NR2C1: variants seen among roughly 807,000 people sequenced by gnomAD.
NR2C1 encodes the protein TR2 nuclear hormone receptor.
A neutral mutation model predicts 74.8 loss-of-function variants in NR2C1; 33 were observed. That is an observed-to-expected ratio of 0.44 (90% CI 0.33 to 0.59). NR2C1 has a LOEUF of 0.59. NR2C1 is among the 20% of genes least tolerant of loss of function. The pLI is 0.02. For missense variants in NR2C1, 568 were observed against 715.6 expected, an observed-to-expected ratio of 0.79 and a Z score of 2.35; for synonymous variants, 225 against 240.6, an observed-to-expected ratio of 0.94 and a Z score of 0.60.
chr12:95,049,291 T>G, intron 8 of NR2C1, 58 bp from the exon 9 acceptor site: 1 of 1,522,456 alleles, frequency 6.6e-7, no homozygotes, highest in East Asian at 2.3e-5. Context: ...AAATAACAAT[T>G]CTACATAGGA....
intron 9 of NR2C1, 49 bp downstream of exon 9, chr12:95,049,019 C>G: frequency 6.6e-7 from 1 of 1,506,248 alleles, no homozygotes; most frequent in Non-Finnish European, 9.2e-7. Flanking sequence ...AAAGGTAGAT[C>G]AAAATCAAGC....
intron 7 of NR2C1, among the ~76,000 whole-genome samples, chr12:95,055,544 A>G (rs1458179890): frequency 6.6e-6 from 1 of 152,248 alleles, no homozygotes; most frequent in Non-Finnish European, 1.5e-5. Flanking sequence ...ATAGCTAGTA[A>G]GTGGTAGATG....
At chr12:95,032,436 T>TGCTGGA (rs1870248478) in intron 10 of NR2C1, among the ~76,000 whole-genome samples, 1 of 143,968 alleles carries the variant, frequency 6.9e-6, no homozygotes, top group Non-Finnish European at 1.5e-5. Context: ...CCAGCCTGGG[T>TGCTGGA]GACACAGCGA....
chr12:95,022,535 C>A, intron 13 of NR2C1, 132 bp from the exon 14 acceptor site: 1 of 761,348 alleles, frequency 1.3e-6, no homozygotes. Flanking sequence ...AAAATCAAAA[C>A]TTTAGTATTC....
At chr12:95,057,261 C>T (rs1257550612) in intron 7 of NR2C1, among the ~76,000 whole-genome samples, 5 of 151,632 alleles carry the variant, frequency 3.3e-5, no homozygotes, top group East Asian at 2.0e-4. Context: ...TGCGCCACCA[C>T]GCCCAGTTAA....
chr12:95,054,315 AAGAGACAGTGTTTTTT>A (rs1402750373), intron 7 of NR2C1, among the ~76,000 whole-genome samples: 2 of 141,268 alleles, frequency 1.4e-5, no homozygotes, highest in Non-Finnish European at 3.0e-5. Flanking sequence ...TTTTTTTTTT[AAGAGACAGTGTTTTTT>A]AGAGACACTC....
intron 10 of NR2C1, among the ~76,000 whole-genome samples, chr12:95,040,137 A>G (rs1369066697): frequency 6.6e-6 from 1 of 151,010 alleles, no homozygotes; most frequent in Non-Finnish European, 1.5e-5. Flanking sequence ...GTGATGAGAG[A>G]GAAACAAGAA....
In NR2C1 at chr12:95,042,368, C is replaced by A. The variant is rs371363013; in HGVS notation, c.1132-1771G>T. Among the ~76,000 whole-genome samples the A allele has an allele frequency of 1.4e-4, 21 of 152,014 alleles. No individual in the cohort carries two copies. The East Asian group carries it at 1.6e-3, about 11-fold the overall frequency. On this transcript the variant is annotated intron_variant, in intron 9 of 13. Coordinates refer to ENST00000333003, the MANE Select transcript of NR2C1 (RefSeq NM_003297.4). Reference sequence around the variant, plus strand: ...GGGACTACAGGCGTGTGCCACCAGGCCCCGCTAATTTTTTTTGTATTTTTA... The same window carrying A: ...GGGACTACAGGCGTGTGCCACCAGGACCCGCTAATTTTTTTTGTATTTTTA...
intron 2 of NR2C1, 43 bp downstream of exon 2, chr12:95,067,288 A>G: frequency 1.3e-6 from 2 of 1,536,722 alleles, no homozygotes; most frequent in South Asian, 1.1e-5. Flanking sequence ...TAGGAATTAG[A>G]AAAGTTTGGT....
intron 9 of NR2C1, among the ~76,000 whole-genome samples, chr12:95,044,183 C>A (rs1024947983): frequency 6.6e-6 from 1 of 151,990 alleles, no homozygotes; most frequent in African/African-American, 2.4e-5. Context: ...TAAACCTGAC[C>A]AATCTGTTTT....
At chr12:95,056,717 G>C (rs889692584) in intron 7 of NR2C1, among the ~76,000 whole-genome samples, 13 of 152,306 alleles carry the variant, frequency 8.5e-5, no homozygotes, top group African/African-American at 3.1e-4. Flanking sequence ...CCAGCACTTT[G>C]GGAGGCCAAG....
chr12:95,038,675 T>C (rs1176746976), intron 10 of NR2C1, among the ~76,000 whole-genome samples: 1 of 152,216 alleles, frequency 6.6e-6, no homozygotes, highest in African/African-American at 2.4e-5. Context: ...TAAGAATTGC[T>C]TGAAACTGAG....
chr12:95,040,244 T>C (rs1176453270), intron 10 of NR2C1, among the ~76,000 whole-genome samples: 1 of 152,180 alleles, frequency 6.6e-6, no homozygotes, highest in Non-Finnish European at 1.5e-5. Context: ...ACTGATCATA[T>C]TCCATCCAAA....
At position 95,025,221 on chromosome 12, in the gene NR2C1, CTCTA is replaced by C; in HGVS notation, c.1562_1565del (p.Ile521ArgfsTer15). On this transcript the variant is annotated frameshift_variant, in exon 13 of 14. Transcript: ENST00000333003. LOFTEE classifies it high-confidence loss of function. ...CCACATAAGCCTTTTCCTGAAATTT[CTCTA>C]TCTGTTCCATGTTTTCTAGGCTTGG... The C allele has an allele frequency of 6.2e-7, 1 of 1,606,548 alleles. No homozygotes were observed. Among genetic ancestry groups the C allele is most frequent in the Non-Finnish European group, 8.5e-7 (1 of 1,174,742 alleles).
intron 7 of NR2C1, among the ~76,000 whole-genome samples, chr12:95,056,331 T>C (rs555203342): frequency 1.3e-5 from 2 of 152,216 alleles, no homozygotes; most frequent in East Asian, 1.9e-4. Context: ...TTTTCAGATA[T>C]GAGTTTTCAG....
chr12:95,062,097 A>T (rs1874867894), intron 3 of NR2C1, among the ~76,000 whole-genome samples: 1 of 152,202 alleles, frequency 6.6e-6, no homozygotes, highest in Non-Finnish European at 1.5e-5. Context: ...CAGCTACAAA[A>T]GCTGCTCCTG....
At chr12:95,046,792 A>G (rs1275693981) in intron 9 of NR2C1, among the ~76,000 whole-genome samples, 1 of 152,130 alleles carries the variant, frequency 6.6e-6, no homozygotes, top group South Asian at 2.1e-4. Flanking sequence ...GAAAACTTCA[A>G]TGTGAGAACC....
intron 7 of NR2C1, among the ~76,000 whole-genome samples, chr12:95,052,557 C>T (rs1412156195): frequency 5.3e-5 from 8 of 152,140 alleles, no homozygotes; most frequent in Non-Finnish European, 1.5e-5. Context: ...TCTGGGCTCA[C>T]TGATCCTCCT....
At chr12:95,065,491 G>T (rs1183778764) in intron 2 of NR2C1, among the ~76,000 whole-genome samples, 1 of 151,656 alleles carries the variant, frequency 6.6e-6, no homozygotes, top group Non-Finnish European at 1.5e-5. Context: ...TTTAATTTTC[G>T]TGGGTACATA....
Sources: gnomAD v4.1 joint callset for allele counts (sites outside exome capture counted in the v4.1 genomes callset) on GRCh38, gnomAD v4.1.1 for gene constraint, MANE v1.5 for transcripts, NCBI Gene and HGNC (gene_info 2026-07-23, HGNC 2026-07-21) for gene names.